The following VEZT variants were observed in gnomAD, a reference collection of about 807,000 sequenced individuals.
VEZT encodes vezatin, adherens junctions transmembrane protein.
Under a neutral mutation model 79.9 loss-of-function variants are expected in VEZT, and 39 were observed. That is an observed-to-expected ratio of 0.49 (90% CI 0.38 to 0.64). The LOEUF (loss-of-function observed/expected upper bound fraction) is 0.64, where lower values mean the gene tolerates loss of function less well. Ranked by LOEUF, VEZT falls within the 30% of genes least tolerant of loss-of-function variation. VEZT has a pLI of 0.00. For missense variants in VEZT, 837 were observed against 893.1 expected, an observed-to-expected ratio of 0.94 and a Z score of 0.80; for synonymous variants, 325 against 327.6, an observed-to-expected ratio of 0.99 and a Z score of 0.09.
intron 5 of VEZT, 114 bp from the exon 6 acceptor site, chr12:95,269,937 T>C: frequency 1.6e-6 from 2 of 1,258,492 alleles, no homozygotes; most frequent in South Asian, 1.4e-5. Flanking sequence ...CTAGTGAAGA[T>C]CATGAAAGAG....
chr12:95,257,101 T>G, intron 2 of VEZT, 49 bp from the exon 3 acceptor site: 1 of 1,450,922 alleles, frequency 6.9e-7, no homozygotes, highest in Admixed American at 2.2e-5. Context: ...TTTTCTGCTG[T>G]TTGGGTATGC....
intron 6 of VEZT, among the ~76,000 whole-genome samples, chr12:95,271,184 CTCTT>C (rs1209451509): frequency 3.9e-5 from 6 of 151,922 alleles, no homozygotes; most frequent in Non-Finnish European, 2.9e-5. Context: ...CTCTTTCTCT[CTCTT>C]TCTATATATA....
intron 9 of VEZT, among the ~76,000 whole-genome samples, chr12:95,291,625 G>A (rs772671926): frequency 6.6e-6 from 1 of 152,208 alleles, no homozygotes; most frequent in Non-Finnish European, 1.5e-5. Flanking sequence ...TACAAGAACA[G>A]GCAGTGGGGC....
chr12:95,239,496 G>A (rs1372738027), intron 1 of VEZT, among the ~76,000 whole-genome samples: 1 of 152,130 alleles, frequency 6.6e-6, no homozygotes, highest in Non-Finnish European at 1.5e-5. Context: ...ATAGTGTGAG[G>A]GATCAGAATC....
chr12:95,263,193 A>G (rs950786524), intron 4 of VEZT, 112 bp downstream of exon 4: 1 of 1,010,358 alleles, frequency 9.9e-7, no homozygotes, highest in Non-Finnish European at 1.4e-6. Flanking sequence ...TACATTTAGC[A>G]GTACAATTAA....
chr12:95,300,399 G>A lies in VEZT; in HGVS notation c.2066G>A (p.Arg689Lys). ...NEVFPQGAEE[R>K]MCYQCESEDE... ...GTCTTCCCCCAAGGAGCAGAAGAAAGAATGTGTTACCAATGTGAGAGTGAA... is the reference window on the plus strand; with the variant it reads ...GTCTTCCCCCAAGGAGCAGAAGAAAAAATGTGTTACCAATGTGAGAGTGAA... The change falls in exon 12 of 12, where the codon AGA (arginine) becomes AAA (lysine). Residue 689 changes from arginine (R) to lysine (K), a missense_variant. Transcript: ENST00000436874. 6.2e-7 allele frequency: 1 copy of A among 1,613,974 alleles called. No homozygotes were observed. Among genetic ancestry groups the A allele is most frequent in the Non-Finnish European group, 8.5e-7 (1 of 1,179,888 alleles).
chr12:95,248,729 T>G (rs1300394169), intron 1 of VEZT, among the ~76,000 whole-genome samples: 2 of 151,290 alleles, frequency 1.3e-5, no homozygotes, highest in African/African-American at 4.9e-5. Flanking sequence ...GGCTTGCACC[T>G]GTAGTCCCAG....
At chr12:95,228,939 C>T (rs2136753736) in intron 1 of VEZT, among the ~76,000 whole-genome samples, 1 of 152,188 alleles carries the variant, frequency 6.6e-6, no homozygotes, top group Non-Finnish European at 1.5e-5. Context: ...GAGGTTGAGG[C>T]TGCAGTGAGC....
intron 9 of VEZT, among the ~76,000 whole-genome samples, chr12:95,291,258 T>C (rs1469839825): frequency 1.3e-5 from 2 of 152,180 alleles, no homozygotes; most frequent in Non-Finnish European, 2.9e-5. Context: ...CGCATGTGTA[T>C]GTGTGTGTGT....
chr12:95,257,387 C>T, intron 3 of VEZT, 148 bp downstream of exon 3: 1 of 655,928 alleles, frequency 1.5e-6, no homozygotes, highest in Non-Finnish European at 2.6e-6. Flanking sequence ...TTAATTTGGG[C>T]TTACTGGTAT....
chr12:95,254,813 T>C (rs539742336), intron 2 of VEZT, among the ~76,000 whole-genome samples: 34 of 152,258 alleles, frequency 2.2e-4, no homozygotes, highest in Non-Finnish European at 4.6e-4. Flanking sequence ...AATGAAACCA[T>C]CCTTAGCATT....
chr12:95,240,384 A>G (rs2060856918), intron 1 of VEZT, among the ~76,000 whole-genome samples: 1 of 152,176 alleles, frequency 6.6e-6, no homozygotes, highest in African/African-American at 2.4e-5. Flanking sequence ...GGAAGACTGA[A>G]GTTCAGTTAG....
At chr12:95,261,741 A>T (rs1446095781) in intron 3 of VEZT, among the ~76,000 whole-genome samples, 2 of 152,204 alleles carry the variant, frequency 1.3e-5, no homozygotes, top group East Asian at 3.8e-4. Context: ...ACAAAATACA[A>T]CTTTAAATTT....
In VEZT at chr12:95,282,599, CA is replaced by C; in HGVS notation, c.1284del (p.Ala429GlnfsTer9). 1 of 1,613,434 alleles carries C rather than the reference CA, an allele frequency of 6.2e-7. No homozygotes were observed. The highest frequency in any genetic ancestry group is 8.5e-7 in the Non-Finnish European group (1 of 1,179,494). ...TCAAGAGAACTGAATAATGTTCACA[CA>C]GCAGTGCGTAGCTTGCAGCTCCATC... is the stretch of plus-strand genomic sequence containing the variant. ...QKSRELNNVH[T>X]AVRSLQLHLK... On this transcript the variant is annotated frameshift_variant, in exon 8 of 12. Coordinates refer to ENST00000436874, the MANE Select transcript of VEZT (RefSeq NM_017599.4). LOFTEE classifies it high-confidence loss of function.
At chr12:95,234,392 C>T (rs1249338585) in intron 1 of VEZT, among the ~76,000 whole-genome samples, 2 of 150,984 alleles carry the variant, frequency 1.3e-5, no homozygotes, top group Non-Finnish European at 2.9e-5. Context: ...CGGGTTCAAG[C>T]GATTCTCCTG....
chr12:95,253,652 A>G (rs1340957224), intron 2 of VEZT, among the ~76,000 whole-genome samples: 1 of 152,250 alleles, frequency 6.6e-6, no homozygotes, highest in South Asian at 2.1e-4. Flanking sequence ...GTTTTGATAC[A>G]AACTTGGGTT....
At chr12:95,243,555 A>G (rs1187840936) in intron 1 of VEZT, among the ~76,000 whole-genome samples, 1 of 152,170 alleles carries the variant, frequency 6.6e-6, no homozygotes. Context: ...AAAATAAAGC[A>G]AATATCAGAC....
At chr12:95,294,663 T>C (rs1290731078) in intron 10 of VEZT, among the ~76,000 whole-genome samples, 1 of 152,224 alleles carries the variant, frequency 6.6e-6, no homozygotes, top group African/African-American at 2.4e-5. Flanking sequence ...GTTACTGGTA[T>C]GTGTACATAT....
At chr12:95,275,930 A>AT (rs2067610666) in intron 7 of VEZT, 1 of 152,184 alleles carries the variant, frequency 6.6e-6, no homozygotes, top group Non-Finnish European at 1.5e-5. Context: ...AAAATTTTTC[A>AT]TTTTAGTAAT....
Sources: allele counts gnomAD v4.1 joint callset (sites outside exome capture counted in the v4.1 genomes callset), GRCh38; gene constraint gnomAD v4.1.1; transcripts MANE v1.5; gene names NCBI Gene and HGNC (gene_info 2026-07-23, HGNC 2026-07-21).